Variants in SRRM3 observed in about 807,000 individuals in gnomAD.
The protein encoded by SRRM3 is serine/arginine repetitive matrix protein 3.
A neutral mutation model predicts 66.2 loss-of-function variants in SRRM3; 27 were observed. That is an observed-to-expected ratio of 0.41 (90% CI 0.30 to 0.56). The LOEUF (loss-of-function observed/expected upper bound fraction) is 0.56, where lower values mean the gene tolerates loss of function less well. Ranked by LOEUF, SRRM3 falls within the 20% of genes least tolerant of loss-of-function variation. The pLI is 0.32. For missense variants in SRRM3, 918 were observed against 991.9 expected (o/e 0.93, Z 1.00); for synonymous variants, 391 against 414.9 (o/e 0.94, Z 0.70).
At chr7:76,280,745 C>T (rs1802475262) in intron 11 of SRRM3, among the ~76,000 whole-genome samples, 1 of 151,198 alleles carries the variant, frequency 6.6e-6, no homozygotes, top group Non-Finnish European at 1.5e-5. Context: ...GGTGAAAGCC[C>T]TCTCTCCTTC....
At chr7:76,284,996 G>A (rs554778050) in intron 14 of SRRM3, among the ~76,000 whole-genome samples, 4 of 152,320 alleles carry the variant, frequency 2.6e-5, no homozygotes, top group East Asian at 1.9e-4. Flanking sequence ...GGGCTGGGAC[G>A]TAGTCACAGA....
At position 76,248,230 on chromosome 7, in the gene SRRM3, G is replaced by A; in HGVS notation, c.276G>A (p.Arg92=). 1 of 1,613,856 alleles carries A rather than the reference G, an allele frequency of 6.2e-7. No individual in the cohort carries two copies. Among genetic ancestry groups the A allele is most frequent in the Non-Finnish European group, 8.5e-7 (1 of 1,179,848 alleles). The change falls in exon 3 of 15, where the codon CGG becomes CGA. Residue 92 remains arginine, a synonymous_variant. Transcript: ENST00000611745. The part of the protein sequence containing the change: ...EEIRQKVGTF[R]QMLMEKEGVL... Reference sequence around the variant, plus strand: ...TTCGGCAGAAAGTGGGGACATTCCGGCAGATGCTGATGGAGAAGGAGGGAG... The same window carrying A: ...TTCGGCAGAAAGTGGGGACATTCCGACAGATGCTGATGGAGAAGGAGGGAG...
intron 1 of SRRM3, among the ~76,000 whole-genome samples, chr7:76,211,579 G>A (rs1281573929): frequency 5.9e-5 from 9 of 152,098 alleles, no homozygotes; most frequent in Admixed American, 3.9e-4. Flanking sequence ...GACAACAGGG[G>A]GCCTGCGGTG....
At chr7:76,248,966 C>T (rs1281982556) in intron 3 of SRRM3, among the ~76,000 whole-genome samples, 1 of 151,882 alleles carries the variant, frequency 6.6e-6, no homozygotes, top group South Asian at 2.1e-4. Context: ...GTCAACAGAG[C>T]GAGATTCCAT....
rs1801882997 is a variant in SRRM3 at position 76,261,927 on chromosome 7, G to T, written c.674+346G>T. Among the ~76,000 whole-genome samples the T allele has an allele frequency of 2.0e-5, 3 of 151,762 alleles. No homozygotes were observed. The South Asian group carries it at 6.3e-4, about 32-fold the overall frequency. On this transcript the variant is annotated intron_variant, in intron 8 of 14. Coordinates refer to ENST00000611745, the MANE Select transcript of SRRM3 (RefSeq NM_001110199.3). ...AATTTGCAGGGAAACAGCTCGCGAG[G>T]CAGGAGGACCTCTGTGAGCTGGGAG...
intron 10 of SRRM3, among the ~76,000 whole-genome samples, chr7:76,265,847 TATATATATA>T (rs1802004965): frequency 3.5e-4 from 3 of 8,474 alleles, no homozygotes; most frequent in Non-Finnish European, 5.0e-4. Flanking sequence ...TATATATATA[TATATATATA>T]TATTTTTTTT....
At chr7:76,267,509 G>A (rs1802100596) in intron 11 of SRRM3, 74 bp downstream of exon 11, 3 of 1,153,034 alleles carry the variant, frequency 2.6e-6, no homozygotes, top group Non-Finnish European at 3.3e-6. Context: ...GGTCGCCAGC[G>A]GGGCAGGGGG....
rs577349745 is a variant in SRRM3 at position 76,234,204 on chromosome 7, T to C, written c.-39-824T>C. On this transcript the variant is annotated intron_variant, in intron 1 of 14. Transcript: ENST00000611745. ...GATAGAAGTCCTTGGAGTGTGTGTG[T>C]GTGTGTGTGTGTGTGTGTGTCTGCT... 3.4e-4 allele frequency among the ~76,000 whole-genome samples: 51 copies of C among 151,732 alleles called. No homozygotes were observed. The East Asian group carries it at 7.4e-3, about 22-fold the overall frequency.
At chr7:76,283,804 G>A (rs1468886273) in intron 14 of SRRM3, 2 of 985,334 alleles carry the variant, frequency 2.0e-6, no homozygotes, top group African/African-American at 3.5e-5. Flanking sequence ...TCTCTGCTAG[G>A]ACTGGAAGTG....
At chr7:76,245,364 C>T (rs193066431) in intron 2 of SRRM3, among the ~76,000 whole-genome samples, 4 of 152,164 alleles carry the variant, frequency 2.6e-5, no homozygotes, top group Admixed American at 6.5e-5. Context: ...TGGACCCATG[C>T]TGCCACCATG....
rs1428725944 is a variant in SRRM3 at position 76,286,268 on chromosome 7, CT to C, written c.*427del. Reference sequence around the variant, plus strand: ...CAAGGTGCCAGCCCTGGGAGCCCCTCTTCCGCACTACACAGCTCCCTCCACT... The same window carrying C: ...CAAGGTGCCAGCCCTGGGAGCCCCTCTCCGCACTACACAGCTCCCTCCACT... On this transcript the variant is annotated 3_prime_UTR_variant, in exon 15 of 15. Transcript: ENST00000611745. The C allele has an allele frequency of 4.3e-6, 1 of 231,546 alleles. No individual in the cohort carries two copies. Among genetic ancestry groups the C allele is most frequent in the African/African-American group, 2.3e-5 (1 of 43,636 alleles). 14.3% of individuals were successfully genotyped at this position (231,546 alleles called of 1,614,324 possible).
chr7:76,279,579 C>T (rs10266745), intron 11 of SRRM3, among the ~76,000 whole-genome samples: 6,076 of 140,984 alleles, frequency 0.043, 287 homozygotes, highest in African/African-American at 0.13. Context: ...ACAGGGAGGG[C>T]GGGCAGGGTG....
Position 76,258,722 on chromosome 7 carries a change from AAAAAAAAAAAAG to A in SRRM3, c.336-1178_336-1167del, listed in dbSNP as rs1206685010. ...GAGTGAGACTCCATCTCAAAAAAAA[AAAAAAAAAAAAG>A]AAAAAGAAAAAGAAAAAAAAAAAAG... On this transcript the variant is annotated intron_variant, in intron 3 of 14. Coordinates refer to ENST00000611745, the MANE Select transcript of SRRM3 (RefSeq NM_001110199.3). Among the ~76,000 whole-genome samples, 65 of 110,604 alleles carry A rather than the reference AAAAAAAAAAAAG, an allele frequency of 5.9e-4. 1 individual carries two copies. Among genetic ancestry groups the A allele is most frequent in the African/African-American group, 2.3e-3 (65 of 28,576 alleles). The allele number at this position is 110,604 out of a possible 152,430, so 72.6% of individuals were successfully genotyped here. A position where few individuals can be genotyped will look rare whatever the true frequency, so the allele number is the denominator to read the frequency against.
At chr7:76,213,497 A>C (rs1223395163) in intron 1 of SRRM3, among the ~76,000 whole-genome samples, 1 of 152,230 alleles carries the variant, frequency 6.6e-6, no homozygotes, top group Non-Finnish European at 1.5e-5. Context: ...GTTGACCCAC[A>C]GAGGTTGCAC....
At chr7:76,210,788 A>C (rs1407243915) in intron 1 of SRRM3, among the ~76,000 whole-genome samples, 1 of 151,378 alleles carries the variant, frequency 6.6e-6, no homozygotes, top group African/African-American at 2.4e-5. Context: ...ACAGTCCTTG[A>C]GCCCCAGCAG....
At chr7:76,210,644 G>A (rs1204103944) in intron 1 of SRRM3, among the ~76,000 whole-genome samples, 3 of 152,116 alleles carry the variant, frequency 2.0e-5, no homozygotes, top group African/African-American at 7.2e-5. Flanking sequence ...GGGAGGCTGG[G>A]ACATGAGGAT....
At position 76,281,658 on chromosome 7, in the gene SRRM3, GGCGCCCCCGGCCC is replaced by G; in HGVS notation, c.1235_1247del (p.Arg412ProfsTer183). The G allele has an allele frequency of 1.0e-6, 1 of 978,212 alleles. No homozygotes were observed. The highest frequency in any genetic ancestry group is 1.2e-6 in the Non-Finnish European group (1 of 825,496). The allele number at this position is 978,212 out of a possible 1,614,324, so 60.6% of individuals were successfully genotyped here. ...TCCGCGCCCCGCCGCAGGGGTCGCC[GGCGCCCCCGGCCC>G]GCGCCCCCCCGGGGCTCGTCGCGCT... On this transcript the variant is annotated frameshift_variant, in exon 12 of 15. Transcript: ENST00000611745. LOFTEE classifies it high-confidence loss of function.
chr7:76,255,431 G>A (rs1221959687), intron 3 of SRRM3, among the ~76,000 whole-genome samples: 1 of 152,002 alleles, frequency 6.6e-6, no homozygotes, highest in Non-Finnish European at 1.5e-5. Context: ...TTATAGGCAT[G>A]AGCCACCACG....
At chr7:76,224,369 C>T (rs941800997) in intron 1 of SRRM3, among the ~76,000 whole-genome samples, 10 of 151,348 alleles carry the variant, frequency 6.6e-5, no homozygotes, top group African/African-American at 2.4e-4. Flanking sequence ...CATGAGCCAC[C>T]GCGCCCGGCC....
Sources: allele counts gnomAD v4.1 joint callset (sites outside exome capture counted in the v4.1 genomes callset), GRCh38; gene constraint gnomAD v4.1.1; transcripts MANE v1.5; gene names NCBI Gene and HGNC (gene_info 2026-07-23, HGNC 2026-07-21).